Variants in AZI2 observed in about 807,000 individuals in gnomAD.
AZI2 encodes 5-azacytidine-induced protein 2.
In AZI2, 22 loss-of-function variants were observed where a neutral mutation model predicts 45.8. The ratio of observed to expected loss-of-function variants is 0.48; its 90% confidence interval spans 0.34 to 0.69. AZI2 has a LOEUF of 0.69. Ranked by LOEUF, AZI2 falls within the 30% of genes least tolerant of loss-of-function variation. AZI2 has a pLI of 0.01. For synonymous variants in AZI2, 137 were observed against 156.7 expected (o/e 0.87, Z 0.94); for missense variants, 417 against 441.5 (o/e 0.94, Z 0.50).
In AZI2 at chr3:28,322,185, T is replaced by G. The variant is rs1703206937; in HGVS notation, c.*1857A>C. ...CTTTAAACTGTCACAGTCACTGACT[T>G]TTTAGTATACCTGTTTGATAGCTAT... On this transcript the variant is annotated 3_prime_UTR_variant, in exon 8 of 8. Coordinates refer to ENST00000479665, the MANE Select transcript of AZI2 (RefSeq NM_022461.5). The G allele has an allele frequency of 6.7e-6, 1 of 149,902 alleles. No individual in the cohort carries two copies. The highest frequency in any genetic ancestry group is 2.5e-5 in the African/African-American group (1 of 40,130). 9.3% of individuals were successfully genotyped at this position (149,902 alleles called of 1,614,324 possible).
Position 28,322,155 on chromosome 3 carries a change from T to TAACA in AZI2, c.*1883_*1886dup, listed in dbSNP as rs1703205914. On this transcript the variant is annotated 3_prime_UTR_variant, in exon 8 of 8. Transcript: ENST00000479665. ...TAAAGAACCTTATACATCATTTGTC[T>TAACA]AACACTTTAAACTGTCACAGTCACT... 2.0e-5 allele frequency: 3 copies of TAACA among 151,408 alleles called. No homozygotes were observed. Among genetic ancestry groups the TAACA allele is most frequent in the African/African-American group, 7.2e-5 (3 of 41,450 alleles). The allele number at this position is 151,408 out of a possible 1,614,324, so 9.4% of individuals were successfully genotyped here. A position where few individuals can be genotyped will look rare whatever the true frequency, so the allele number is the denominator to read the frequency against.
At chr3:28,339,197 T>C (rs1048350059) in intron 2 of AZI2, among the ~76,000 whole-genome samples, 5 of 152,080 alleles carry the variant, frequency 3.3e-5, no homozygotes, top group Non-Finnish European at 4.4e-5. Flanking sequence ...AGTCTGGTCT[T>C]GGACTCCTGA....
At chr3:28,340,115 TC>T in intron 2 of AZI2, among the ~76,000 whole-genome samples, 1 of 151,860 alleles carries the variant, frequency 6.6e-6, no homozygotes, top group African/African-American at 2.4e-5. Flanking sequence ...ATTTGAAAAT[TC>T]TGAATAAAAT....
intron 6 of AZI2, among the ~76,000 whole-genome samples, chr3:28,328,298 G>A (rs1294578700): frequency 6.6e-6 from 1 of 151,110 alleles, no homozygotes; most frequent in East Asian, 1.9e-4. Flanking sequence ...TAAGTGTGAA[G>A]AGAGTTGTTG....
chr3:28,322,239 A>C lies in AZI2; in HGVS notation c.*1803T>G, dbSNP rs1703208170. ...CACTGTACTGTTTAAATGGAAAATA[A>C]TTTTCTCCACTCAAAAGCTGGTTTA... On this transcript the variant is annotated 3_prime_UTR_variant, in exon 8 of 8. Coordinates refer to ENST00000479665, the MANE Select transcript of AZI2 (RefSeq NM_022461.5). The C allele has an allele frequency of 6.6e-6, 1 of 151,232 alleles. No homozygotes were observed. Among genetic ancestry groups the C allele is most frequent in the African/African-American group, 2.4e-5 (1 of 41,338 alleles). 9.4% of individuals were successfully genotyped at this position (151,232 alleles called of 1,614,324 possible). A position where few individuals can be genotyped will look rare whatever the true frequency, so the allele number is the denominator to read the frequency against.
At chr3:28,338,465 A>T in intron 3 of AZI2, 28 bp downstream of exon 3, 1 of 1,501,178 alleles carries the variant, frequency 6.7e-7, no homozygotes, top group East Asian at 2.3e-5. Context: ...TCCAAAATGC[A>T]GATGTCATTC....
intron 2 of AZI2, among the ~76,000 whole-genome samples, chr3:28,339,476 T>C (rs1703926263): frequency 7.0e-6 from 1 of 142,602 alleles, no homozygotes; most frequent in Non-Finnish European, 1.6e-5. Context: ...TCTCACTGTA[T>C]GCCAATATGT....
intron 7 of AZI2, 23 bp from the exon 8 acceptor site, chr3:28,324,477 A>G: frequency 7.0e-7 from 1 of 1,434,640 alleles, no homozygotes; most frequent in Non-Finnish European, 9.2e-7. Flanking sequence ...CACAGACTAA[A>G]TGTCAGTTTT....
At chr3:28,333,807 T>C (rs1703680839) in intron 5 of AZI2, among the ~76,000 whole-genome samples, 1 of 151,654 alleles carries the variant, frequency 6.6e-6, no homozygotes, top group African/African-American at 2.4e-5. Context: ...GTGAGGCCCA[T>C]GGCTACAAAA....
intron 7 of AZI2, among the ~76,000 whole-genome samples, chr3:28,325,426 A>AAAACAATGAACTTATTTTATAAT (rs1703352440): frequency 6.6e-6 from 1 of 151,032 alleles, no homozygotes; most frequent in Non-Finnish European, 1.5e-5. Context: ...GAGAACTGGA[A>AAAACAATGAACTTATTTTATAAT]GTGTAGTGTT....
At position 28,338,085 on chromosome 3, in the gene AZI2, T is replaced by C. The variant is rs771921716; in HGVS notation, c.340-49A>G. The stretch of plus-strand genomic sequence containing the variant: ...AATTACATTCAATAAAATCTACACG[T>C]TGGTATATTGTAATTTTCAGGAAGA... On this transcript the variant is annotated intron_variant, in intron 3 of 7. Coordinates refer to ENST00000479665, the MANE Select transcript of AZI2 (RefSeq NM_022461.5). 4.7e-5 allele frequency: 51 copies of C among 1,083,588 alleles called. No individual in the cohort carries two copies. The South Asian group carries it at 7.5e-4, about 16-fold the overall frequency. 67.1% of individuals were successfully genotyped at this position (1,083,588 alleles called of 1,614,324 possible). A position where few individuals can be genotyped will look rare whatever the true frequency, so the allele number is the denominator to read the frequency against.
At chr3:28,339,966 T>C (rs1559462388) in intron 2 of AZI2, among the ~76,000 whole-genome samples, 4 of 152,128 alleles carry the variant, frequency 2.6e-5, no homozygotes, top group Admixed American at 2.0e-4. Context: ...ATTACATGTG[T>C]TAAAGAAGAG....
At chr3:28,345,275 A>G (rs1242604472) in intron 1 of AZI2, among the ~76,000 whole-genome samples, 8 of 152,184 alleles carry the variant, frequency 5.3e-5, no homozygotes, top group Admixed American at 2.6e-4. Flanking sequence ...ACAGAATTCC[A>G]ATTCTTAGTA....
At chr3:28,331,930 C>T (rs983927766) in intron 6 of AZI2, 1 of 1,544,018 alleles carries the variant, frequency 6.5e-7, no homozygotes, top group South Asian at 1.2e-5. Flanking sequence ...CCACTGCACT[C>T]CAGGCTGTGC....
chr3:28,324,864 G>A (rs1703325030), intron 7 of AZI2: 1 of 154,768 alleles, frequency 6.5e-6, no homozygotes, highest in South Asian at 2.1e-4. Context: ...CTGTTCACAT[G>A]TCAGTGGGGA....
At chr3:28,334,857 C>T (rs534781319) in intron 5 of AZI2, among the ~76,000 whole-genome samples, 1 of 152,036 alleles carries the variant, frequency 6.6e-6, no homozygotes, top group Admixed American at 6.6e-5. Flanking sequence ...ACCTACTGAA[C>T]ATACTATATA....
chr3:28,345,644 T>C (rs2125671966), intron 1 of AZI2, among the ~76,000 whole-genome samples: 1 of 152,142 alleles, frequency 6.6e-6, no homozygotes, highest in Non-Finnish European at 1.5e-5. Flanking sequence ...ATAAGAACAG[T>C]ACTACCTGAA....
intron 6 of AZI2, among the ~76,000 whole-genome samples, chr3:28,328,928 G>A (rs62251110): frequency 0.21 from 30,988 of 150,966 alleles, 3,567 homozygotes; most frequent in Admixed American, 0.28. Flanking sequence ...ATTTTTAGCA[G>A]GCTTCCAATT....
chr3:28,340,453 T>C lies in AZI2; in HGVS notation c.165A>G (p.Ser55=). The change falls in exon 2 of 8, where the codon TCA becomes TCG. Residue 55 remains serine, a synonymous_variant. Transcript: ENST00000479665. ...TCTTTAACAAAGAGTTCTCTTTCTC[T>C]GAATCCTTAAGTCGTTTTTTGATGT... ...YEDIKKRLKD[S]EKENSLLKKR... 6 of 1,612,354 alleles carry C rather than the reference T, an allele frequency of 3.7e-6. No homozygotes were observed. Among genetic ancestry groups the C allele is most frequent in the Non-Finnish European group, 5.1e-6 (6 of 1,178,788 alleles).
Sources: allele counts gnomAD v4.1 joint callset (sites outside exome capture counted in the v4.1 genomes callset), GRCh38; gene constraint gnomAD v4.1.1; transcripts MANE v1.5; gene names NCBI Gene and HGNC (gene_info 2026-07-23, HGNC 2026-07-21).